SLC1A3: variants seen among roughly 807,000 people sequenced by gnomAD.
SLC1A3 encodes the protein excitatory amino acid transporter 1.
A neutral mutation model predicts 48.1 loss-of-function variants in SLC1A3; 21 were observed. The observed-to-expected ratio is 0.44, with a 90% CI of 0.31 to 0.63. The LOEUF is 0.63. Ranked by LOEUF, SLC1A3 falls within the 20% of genes least tolerant of loss-of-function variation. The pLI is 0.08. For synonymous variants in SLC1A3, 239 were observed against 251.4 expected, an observed-to-expected ratio of 0.95 and a Z score of 0.47; for missense variants, 546 against 689.0, an observed-to-expected ratio of 0.79 and a Z score of 2.32.
At chr5:36,604,906 TGGGG>T (rs59950179), upstream of SLC1A3, among the ~76,000 whole-genome samples, 49 of 112,128 alleles carry the variant, frequency 4.4e-4, 1 homozygote, top group South Asian at 2.7e-3. Context: ...AAAAAAGCGG[TGGGG>T]GGGGGGGGTG....
At chr5:36,614,456 G>A (rs1224860191) in intron 2 of SLC1A3, among the ~76,000 whole-genome samples, 1 of 152,074 alleles carries the variant, frequency 6.6e-6, no homozygotes, top group Non-Finnish European at 1.5e-5. Context: ...GTTGTAACGG[G>A]CTTTTAGATG....
rs752642870 is a variant in SLC1A3 at position 36,676,996 on chromosome 5, T to C, written c.672T>C (p.Leu224=). ...ATGTGTCTGAGGCCATGGAGACTCT[T>C]ACCCGAATCACAGAGGAGCTGGTCC... is the stretch of plus-strand genomic sequence containing the variant. The part of the protein sequence containing the change: ...INNVSEAMET[L]TRITEELVPV... Residue 224 remains leucine, a synonymous_variant, in exon 6 of 10, where the codon CTT becomes CTC. Transcript: ENST00000265113. 1 of 1,614,114 alleles carries C rather than the reference T, an allele frequency of 6.2e-7. No individual in the cohort carries two copies. Among genetic ancestry groups the C allele is most frequent in the East Asian group, 2.2e-5 (1 of 44,882 alleles).
At chr5:36,657,563 A>C (rs528704813) in intron 3 of SLC1A3, among the ~76,000 whole-genome samples, 3 of 152,340 alleles carry the variant, frequency 2.0e-5, no homozygotes, top group Admixed American at 6.5e-5. Context: ...GAAGTCATCT[A>C]CATAGTGTTT....
At chr5:36,636,028 T>C (rs1218906112) in intron 3 of SLC1A3, 1 of 151,402 alleles carries the variant, frequency 6.6e-6, no homozygotes. Context: ...AGAAAGCAAA[T>C]CTGGGTAATT....
At chr5:36,612,477 TG>T (rs999022226) in intron 2 of SLC1A3, among the ~76,000 whole-genome samples, 4 of 151,742 alleles carry the variant, frequency 2.6e-5, no homozygotes, top group South Asian at 4.2e-4. Context: ...CCCAGCTACT[TG>T]GGGGGGCTGA....
chr5:36,636,992 A>C (rs933880827), intron 3 of SLC1A3, among the ~76,000 whole-genome samples: 2 of 152,132 alleles, frequency 1.3e-5, no homozygotes, highest in African/African-American at 4.8e-5. Flanking sequence ...GTTATTTGGC[A>C]CAATTAGGAT....
intron 8 of SLC1A3, among the ~76,000 whole-genome samples, chr5:36,680,908 T>G (rs1742417226): frequency 8.4e-6 from 1 of 119,512 alleles, no homozygotes. Flanking sequence ...ACAGCAAGAC[T>G]CCATCTCAAA....
At position 36,684,018 on chromosome 5, in the gene SLC1A3, A is replaced by C. The variant is rs755083482; in HGVS notation, c.1424+20A>C. On this transcript the variant is annotated intron_variant, in intron 9 of 9. Transcript: ENST00000265113. ...GTTCCTGTGAGTATGCTTGGCCTGC[A>C]TTCCAGCTCACTGTCACAGGGTCCC... is the stretch of plus-strand genomic sequence containing the variant. 14 of 1,614,122 alleles carry C rather than the reference A, an allele frequency of 8.7e-6. No individual in the cohort carries two copies. The highest frequency in any genetic ancestry group is 1.2e-5 in the Non-Finnish European group (14 of 1,179,982).
chr5:36,629,805 C>T (rs763998329), intron 3 of SLC1A3: 29 of 553,640 alleles, frequency 5.2e-5, no homozygotes, highest in Non-Finnish European at 8.4e-5. Flanking sequence ...CGAATTTAAA[C>T]AGCCACGTAA....
rs144745244 is a variant in SLC1A3, at chr5:36,684,411, T to G, written c.1424+413T>G. On this transcript the variant is annotated intron_variant, in intron 9 of 9. Transcript: ENST00000265113. ...GTGCTTCCCATTCCAGTGGGAATGATTTTCCCATCCTAGCCCAATAGGGTG... is the reference window on the plus strand; with the variant it reads ...GTGCTTCCCATTCCAGTGGGAATGAGTTTCCCATCCTAGCCCAATAGGGTG... Among the ~76,000 whole-genome samples, 11 of 152,292 alleles carry G rather than the reference T, an allele frequency of 7.2e-5. No homozygotes were observed. The East Asian group carries it at 2.1e-3, about 29-fold the overall frequency.
intron 3 of SLC1A3, among the ~76,000 whole-genome samples, chr5:36,633,492 A>G (rs993026205): frequency 6.6e-6 from 1 of 152,206 alleles, no homozygotes; most frequent in Non-Finnish European, 1.5e-5. Flanking sequence ...ACATTCATTC[A>G]TTCTTTAACA....
intron 3 of SLC1A3, among the ~76,000 whole-genome samples, chr5:36,630,659 A>G (rs1443318930): frequency 6.6e-6 from 1 of 152,170 alleles, no homozygotes; most frequent in Non-Finnish European, 1.5e-5. Flanking sequence ...GTGTAATGAG[A>G]ACTTCATAGT....
chr5:36,616,326 G>C (rs1561241396), intron 2 of SLC1A3, among the ~76,000 whole-genome samples: 2 of 152,168 alleles, frequency 1.3e-5, no homozygotes, highest in East Asian at 1.9e-4. Context: ...AAACCAAAAA[G>C]AGAAAGATAA....
intron 6 of SLC1A3, 38 bp downstream of exon 6, chr5:36,677,222 A>T: frequency 6.4e-7 from 1 of 1,563,814 alleles, no homozygotes; most frequent in Non-Finnish European, 8.8e-7. Context: ...TATATACGAG[A>T]TGGTTATTGC....
chr5:36,607,766 T>C (rs1160312856), intron 1 of SLC1A3, among the ~76,000 whole-genome samples: 2 of 152,234 alleles, frequency 1.3e-5, no homozygotes, highest in Non-Finnish European at 2.9e-5. Flanking sequence ...TGGGCACTTG[T>C]GTTCTTTTTA....
intron 3 of SLC1A3, among the ~76,000 whole-genome samples, chr5:36,641,211 A>G (rs1222228329): frequency 1.3e-5 from 2 of 152,234 alleles, no homozygotes; most frequent in African/African-American, 4.8e-5. Flanking sequence ...TCATCATGGC[A>G]TAATGTGCAT....
At chr5:36,617,578 C>T (rs1460946592) in intron 2 of SLC1A3, among the ~76,000 whole-genome samples, 2 of 151,688 alleles carry the variant, frequency 1.3e-5, no homozygotes, top group Admixed American at 1.3e-4. Flanking sequence ...TTCTCGTATG[C>T]CTTTGGAGAA....
chr5:36,617,381 GA>G (rs1739477851), intron 2 of SLC1A3, among the ~76,000 whole-genome samples: 1 of 118,586 alleles, frequency 8.4e-6, no homozygotes, highest in African/African-American at 3.1e-5. Context: ...AATCCAATAA[GA>G]TTAAAAAAGA....
intron 3 of SLC1A3, among the ~76,000 whole-genome samples, chr5:36,661,785 G>A (rs1038587694): frequency 1.7e-4 from 26 of 152,194 alleles, no homozygotes; most frequent in Admixed American, 1.4e-3. Context: ...TTCTGTGAGG[G>A]ACAGGCCTTC....
Sources: gnomAD v4.1 joint callset for allele counts (sites outside exome capture counted in the v4.1 genomes callset) on GRCh38, gnomAD v4.1.1 for gene constraint, MANE v1.5 for transcripts, NCBI Gene and HGNC (gene_info 2026-07-23, HGNC 2026-07-21) for gene names.